The following SLC26A11 variants were observed in gnomAD, a reference collection of about 807,000 sequenced individuals.
SLC26A11 encodes the protein solute carrier family 26 member 11.
Under a neutral mutation model 62.2 loss-of-function variants are expected in SLC26A11, and 58 were observed. That is an observed-to-expected ratio of 0.93 (90% CI 0.76 to 1.16). The LOEUF is 1.16. SLC26A11 is among the 50% of genes most tolerant of loss of function. The pLI is 0.00. For synonymous variants in SLC26A11, 411 were observed against 368.9 expected (o/e 1.11, Z -1.31); for missense variants, 790 against 794.3 (o/e 0.99, Z 0.06).
rs780813210 is a variant in SLC26A11 at position 80,246,246 on chromosome 17, TGA to T, written c.1153+41_1153+42del. The T allele has an allele frequency of 1.3e-6, 2 of 1,593,358 alleles. No homozygotes were observed. The highest frequency in any genetic ancestry group is 1.7e-6 in the Non-Finnish European group (2 of 1,171,176). On this transcript the variant is annotated intron_variant, in intron 12 of 17. Coordinates refer to ENST00000361193, the MANE Select transcript of SLC26A11 (RefSeq NM_001166347.2). The surrounding 1 kb of genome is among the most constrained non-coding windows in gnomAD (Gnocchi z 4.4). ...CATCTTCCCCTTGTGCCCGCAGCCC[TGA>T]GAGTGGGAGAAAGGGAGGAGGGGGC... is the stretch of plus-strand genomic sequence containing the variant.
At chr17:80,232,637 C>A (rs1887781636) in intron 7 of SLC26A11, among the ~76,000 whole-genome samples, 1 of 152,164 alleles carries the variant, frequency 6.6e-6, no homozygotes, top group African/African-American at 2.4e-5. Context: ...TGTTTTTAAT[C>A]TCATAATCTC....
At position 80,249,207 on chromosome 17, in the gene SLC26A11, T is replaced by C. The variant is rs747427058; in HGVS notation, c.1576T>C (p.Tyr526His). Residue 526 changes from tyrosine to histidine, a missense_variant, in exon 16 of 18, where the codon TAC becomes CAC. Physicochemically the swap from Tyr to His is moderately conservative, Grantham distance 83 (BLOSUM62 2). Transcript: ENST00000361193. ...GTGCACCCATGTCTGCAGCATCGAC[T>C]ACACTGTGGTGCTGGGACTCGGCGA... Reference protein sequence around the residue: ...LECTHVCSIDYTVVLGLGELL... With the variant: ...LECTHVCSIDHTVVLGLGELL... 1 of 1,611,248 alleles carries C rather than the reference T, an allele frequency of 6.2e-7. No homozygotes were observed. The highest frequency in any genetic ancestry group is 1.3e-5 in the African/African-American group (1 of 75,002).
intron 7 of SLC26A11, among the ~76,000 whole-genome samples, chr17:80,232,053 T>A (rs1318492288): frequency 6.6e-6 from 1 of 152,192 alleles, no homozygotes; most frequent in African/African-American, 2.4e-5. Context: ...AACCATGACT[T>A]TGTCTATTTT....
rs2042480476 is a variant in SLC26A11 at position 80,228,642 on chromosome 17, C to T, written c.736+682C>T. On this transcript the variant is annotated intron_variant, in intron 7 of 17. Transcript: ENST00000361193. The surrounding 1 kb of genome is among the most constrained non-coding windows in gnomAD (Gnocchi z 4.1). Reference sequence around the variant, plus strand: ...ACTAGCGAGGAGGGGCCAGGAATGCCACTAAGCCCCTGACGGCGCACAGCC... The same window carrying T: ...ACTAGCGAGGAGGGGCCAGGAATGCTACTAAGCCCCTGACGGCGCACAGCC... Among the ~76,000 whole-genome samples, 1 of 152,246 alleles carries T rather than the reference C, an allele frequency of 6.6e-6. No individual in the cohort carries two copies.
intron 10 of SLC26A11, among the ~76,000 whole-genome samples, chr17:80,244,423 G>T (rs2042942567): frequency 6.6e-6 from 1 of 152,220 alleles, no homozygotes; most frequent in South Asian, 2.1e-4. Flanking sequence ...GAGTACCTAG[G>T]GTTTGTCTTA....
At chr17:80,245,090 C>G (rs901681706) in intron 10 of SLC26A11, 106 bp from the exon 11 acceptor site, 3 of 991,810 alleles carry the variant, frequency 3.0e-6, no homozygotes, top group Non-Finnish European at 4.7e-6. Flanking sequence ...TCTCCCGAGC[C>G]CTGCCTTCCT....
chr17:80,238,811 GT>G (rs1276063968), intron 9 of SLC26A11, among the ~76,000 whole-genome samples: 3 of 123,226 alleles, frequency 2.4e-5, no homozygotes, highest in Non-Finnish European at 4.9e-5. Context: ...CTTCAAAGGA[GT>G]TTTTTTTGTT....
chr17:80,230,829 T>C (rs893254398), intron 7 of SLC26A11, among the ~76,000 whole-genome samples: 1 of 152,208 alleles, frequency 6.6e-6, no homozygotes. Flanking sequence ...TTTTGATTCT[T>C]ATAACAGCTT....
At chr17:80,248,854 G>A (rs2043083647) in intron 15 of SLC26A11, among the ~76,000 whole-genome samples, 180 bp downstream of exon 15, 1 of 152,178 alleles carries the variant, frequency 6.6e-6, no homozygotes, top group Admixed American at 6.5e-5. Flanking sequence ...TGCAGCAAGG[G>A]TGGTGGCCCC....
chr17:80,246,546 A>C lies in SLC26A11; in HGVS notation c.1191A>C (p.Ser397=), dbSNP rs1478910506. The part of the protein sequence containing the change: ...LVLLSLDYLT[S]LFYYIPKSAL... ...TGCTGTCTCTGGACTACCTGACCTCACTGTTCTACTACATCCCCAAGTCTG... is the reference window on the plus strand; with the variant it reads ...TGCTGTCTCTGGACTACCTGACCTCCCTGTTCTACTACATCCCCAAGTCTG... The change falls in exon 13 of 18, where the codon TCA becomes TCC. Residue 397 remains serine (S), a synonymous_variant. Coordinates refer to ENST00000361193, the MANE Select transcript of SLC26A11 (RefSeq NM_001166347.2). This position sits in a 1 kb window ranked among gnomAD's most constrained non-coding sequence, Gnocchi z 4.4. 1.2e-6 allele frequency: 2 copies of C among 1,613,116 alleles called. No homozygotes were observed. The highest frequency in any genetic ancestry group is 1.7e-6 in the Non-Finnish European group (2 of 1,179,970).
chr17:80,245,694 G>T (rs1379286457), intron 11 of SLC26A11, among the ~76,000 whole-genome samples: 3 of 152,206 alleles, frequency 2.0e-5, no homozygotes, highest in Non-Finnish European at 4.4e-5. Flanking sequence ...CTGAAAGGAC[G>T]TGGAGATAGG....
chr17:80,230,899 T>C (rs571368790), intron 7 of SLC26A11, among the ~76,000 whole-genome samples: 2 of 152,108 alleles, frequency 1.3e-5, no homozygotes, highest in East Asian at 1.9e-4. Context: ...CTATGAAAGA[T>C]GAAAAATAAA....
chr17:80,224,303 G>A (rs1449147268), intron 5 of SLC26A11, among the ~76,000 whole-genome samples: 2,152 of 143,290 alleles, frequency 0.015, 50 homozygotes, highest in African/African-American at 0.058. Context: ...GTGTGCGTGT[G>A]TGTGTGAGAG....
Position 80,246,944 on chromosome 17 carries a change from C to T in SLC26A11, c.1294+295C>T, listed in dbSNP as rs879327564. Among the ~76,000 whole-genome samples, 4 of 152,142 alleles carry T rather than the reference C, an allele frequency of 2.6e-5. No homozygotes were observed. The highest frequency in any genetic ancestry group is 4.4e-5 in the Non-Finnish European group (3 of 68,008). ...CCCCATCCCTACCCTCCTTGCCACC[C>T]GCCTCCAGCCACCACTCTGCCCGGC... is the stretch of plus-strand genomic sequence containing the variant. On this transcript the variant is annotated intron_variant, in intron 13 of 17. Transcript: ENST00000361193. This position sits in a 1 kb window ranked among gnomAD's most constrained non-coding sequence, Gnocchi z 4.4.
intron 9 of SLC26A11, among the ~76,000 whole-genome samples, chr17:80,239,188 T>C (rs571311669): frequency 6.6e-6 from 1 of 151,754 alleles, no homozygotes; most frequent in East Asian, 1.9e-4. Flanking sequence ...CCAGCAATTA[T>C]CCTGCCTCAG....
intron 5 of SLC26A11, among the ~76,000 whole-genome samples, chr17:80,224,857 G>A (rs1270577428): frequency 6.6e-6 from 1 of 152,072 alleles, no homozygotes; most frequent in Non-Finnish European, 1.5e-5. Flanking sequence ...CATCTGGGGG[G>A]AGGGGCGTCC....
intron 10 of SLC26A11, 62 bp from the exon 11 acceptor site, chr17:80,245,134 C>G: frequency 6.6e-7 from 1 of 1,521,388 alleles, no homozygotes; most frequent in Middle Eastern, 1.7e-4. Flanking sequence ...CCCTCCCCAT[C>G]TCCTTTCCCT....
In SLC26A11 at chr17:80,252,945, G is replaced by C. The variant is rs1465700527; in HGVS notation, c.*229G>C. On this transcript the variant is annotated 3_prime_UTR_variant, in exon 18 of 18. Coordinates refer to ENST00000361193, the MANE Select transcript of SLC26A11 (RefSeq NM_001166347.2). The surrounding 1 kb of genome is among the most constrained non-coding windows in gnomAD (Gnocchi z 5.2). ...AAAATGACCTCGCTGCTGTTCCCTGGCATGACCCTCTTTGGAAGAGTGGTT... is the reference window on the plus strand; with the variant it reads ...AAAATGACCTCGCTGCTGTTCCCTGCCATGACCCTCTTTGGAAGAGTGGTT... 2.1e-6 allele frequency: 1 copy of C among 465,610 alleles called. No individual in the cohort carries two copies. Among genetic ancestry groups the C allele is most frequent in the African/African-American group, 2.0e-5 (1 of 49,786 alleles). The allele number at this position is 465,610 out of a possible 1,614,324, so 28.8% of individuals were successfully genotyped here.
At chr17:80,237,436 C>A in intron 8 of SLC26A11, 86 bp from the exon 9 acceptor site, 2 of 1,249,754 alleles carry the variant, frequency 1.6e-6, no homozygotes, top group Non-Finnish European at 2.3e-6. Context: ...ACCTGTGGGG[C>A]GGGGTGGGTC....
Sources: gnomAD v4.1 joint callset for allele counts (sites outside exome capture counted in the v4.1 genomes callset) on GRCh38, gnomAD v4.1.1 for gene constraint, Gnocchi (gnomAD v3.1) non-coding constraint, MANE v1.5 for transcripts, NCBI Gene and HGNC (gene_info 2026-07-23, HGNC 2026-07-21) for gene names.